Variants in CEP63 observed in about 807,000 individuals in gnomAD.
The protein encoded by CEP63 is centrosomal protein of 63 kDa.
CEP63 carries 84 observed loss-of-function variants against 89.1 expected under a neutral mutation model. The observed-to-expected ratio is 0.94, with a 90% confidence interval of 0.79 to 1.13. CEP63 has a LOEUF of 1.13. CEP63 is among the 50% of genes most tolerant of loss of function. The probability of loss-of-function intolerance (pLI) is 0.00; values close to 1 mark genes in which losing one functional copy is unlikely to be tolerated. For missense variants in CEP63, 838 were observed against 813.3 expected, an observed-to-expected ratio of 1.03 and a Z score of -0.37; for synonymous variants, 267 against 272.5, an observed-to-expected ratio of 0.98 and a Z score of 0.20.
At chr3:134,584,956 G>GGTTTTTTTTTTTT (rs1958446629) in intron 10 of CEP63, among the ~76,000 whole-genome samples, 1 of 36,038 alleles carries the variant, frequency 2.8e-5, no homozygotes, top group African/African-American at 8.5e-5. Flanking sequence ...ATTTTCTAGG[G>GGTTTTTTTTTTTT]TTTTTTTTTT....
Position 134,499,320 on chromosome 3 carries a change from T to G in CEP63, c.44+3956T>G, listed in dbSNP as rs146381532. Reference sequence around the variant, plus strand: ...GTTAGCATATAGTTGTTTGTAATAATCTCTAATGACCCTTTGTATTTCTGT... The same window carrying G: ...GTTAGCATATAGTTGTTTGTAATAAGCTCTAATGACCCTTTGTATTTCTGT... On this transcript the variant is annotated intron_variant, in intron 2 of 14. Coordinates refer to ENST00000675561, the MANE Select transcript of CEP63 (RefSeq NM_001353108.3). Among the ~76,000 whole-genome samples the G allele has an allele frequency of 3.2e-3, 493 of 152,306 alleles. 5 individuals are homozygous for G. Among genetic ancestry groups the G allele is most frequent in the African/African-American group, 0.011 (471 of 41,572 alleles).
downstream of CEP63, among the ~76,000 whole-genome samples, chr3:134,592,659 T>C (rs945535318): frequency 6.6e-6 from 1 of 152,122 alleles, no homozygotes; most frequent in Non-Finnish European, 1.5e-5. Flanking sequence ...AGTTTTTGCT[T>C]TGAGGACAAA....
the CEP63 span, among the ~76,000 whole-genome samples, chr3:134,738,249 T>TACACAC: frequency 0.14 from 20,318 of 145,412 alleles, 1,458 homozygotes; most frequent in Middle Eastern, 0.18. Flanking sequence ...TATTCCATCA[T>TACACAC]ACACACACAC....
At chr3:134,700,892 G>T in the CEP63 span, among the ~76,000 whole-genome samples, 1 of 152,116 alleles carries the variant, frequency 6.6e-6, no homozygotes, top group Non-Finnish European at 1.5e-5. Context: ...TCAGAGGTGT[G>T]TTGCTCTCCC....
intron 10 of CEP63, among the ~76,000 whole-genome samples, chr3:134,580,072 G>A (rs1958308270): frequency 1.3e-5 from 2 of 152,024 alleles, no homozygotes; most frequent in Admixed American, 6.6e-5. Context: ...GTGGGTGCCT[G>A]TAATCCCAGC....
At chr3:134,512,358 T>C (rs1383394936) in intron 3 of CEP63, among the ~76,000 whole-genome samples, 3 of 152,224 alleles carry the variant, frequency 2.0e-5, no homozygotes, top group Non-Finnish European at 4.4e-5. Flanking sequence ...GCTGTTACTA[T>C]CTTCTAGCTC....
chr3:134,540,930 C>T (rs1464270408), intron 6 of CEP63, among the ~76,000 whole-genome samples: 3 of 151,918 alleles, frequency 2.0e-5, no homozygotes, highest in Non-Finnish European at 2.9e-5. Context: ...TACAGGTGCT[C>T]ACCACCACGC....
At chr3:134,704,095 C>T in the CEP63 span, among the ~76,000 whole-genome samples, 9 of 152,226 alleles carry the variant, frequency 5.9e-5, no homozygotes, top group African/African-American at 1.2e-4. Context: ...CTTTCCCAAC[C>T]GCTGCATATT....
In CEP63 at chr3:134,559,360, T is replaced by C; in HGVS notation, c.1884T>C (p.Asp628=). Residue 628 remains aspartate (D), a synonymous_variant, in exon 14 of 15, where the codon GAT becomes GAC. Coordinates refer to ENST00000675561, the MANE Select transcript of CEP63 (RefSeq NM_001353108.3). ...CTCATTCTTTGCCTTCAGCGCTAGA[T>C]ACAAATGAAGCCAATTTTTCTGACA... ...CKTHSLPSAL[D]TNEANFSDTM... is the part of the protein sequence containing the mutation. 3 of 1,614,156 alleles carry C rather than the reference T, an allele frequency of 1.9e-6. No homozygotes were observed. The highest frequency in any genetic ancestry group is 1.1e-5 in the South Asian group (1 of 91,088).
the CEP63 span, among the ~76,000 whole-genome samples, chr3:134,634,617 A>G: frequency 6.6e-6 from 1 of 152,244 alleles, no homozygotes. Flanking sequence ...GAGACATCAC[A>G]TCTATTAGAA....
At chr3:134,622,869 G>T in the CEP63 span, among the ~76,000 whole-genome samples, 1 of 152,118 alleles carries the variant, frequency 6.6e-6, no homozygotes, top group African/African-American at 2.4e-5. Flanking sequence ...CCAGGACCTT[G>T]TTTTTAGCTG....
chr3:134,667,261 A>G, the CEP63 span, among the ~76,000 whole-genome samples: 3 of 152,206 alleles, frequency 2.0e-5, no homozygotes, highest in Non-Finnish European at 2.9e-5. Flanking sequence ...TTAAGTGGCT[A>G]TCTTTCCAGG....
At chr3:134,691,822 C>A in the CEP63 span, among the ~76,000 whole-genome samples, 1 of 151,920 alleles carries the variant, frequency 6.6e-6, no homozygotes, top group African/African-American at 2.4e-5. Flanking sequence ...CGGGTTCAAG[C>A]GATTCTCCTG....
At chr3:134,577,749 G>A (rs779450267), downstream of CEP63, among the ~76,000 whole-genome samples, 2 of 152,002 alleles carry the variant, frequency 1.3e-5, no homozygotes, top group Non-Finnish European at 2.9e-5. Flanking sequence ...TTAGCTGTTT[G>A]TCCTAATGCT....
the CEP63 span, chr3:134,625,062 G>C: frequency 6.3e-7 from 1 of 1,597,526 alleles, no homozygotes; most frequent in South Asian, 1.1e-5. Flanking sequence ...CCTGTGAGGC[G>C]TAGATATCCA....
At chr3:134,627,701 G>A in the CEP63 span, 111 of 1,504,296 alleles carry the variant, frequency 7.4e-5, no homozygotes, top group Non-Finnish European at 1.0e-4. Flanking sequence ...ATTAGTCTAT[G>A]AGGCTAAACC....
intron 2 of CEP63, among the ~76,000 whole-genome samples, chr3:134,499,278 T>C (rs184676905): frequency 6.6e-6 from 1 of 152,304 alleles, no homozygotes; most frequent in Admixed American, 6.5e-5. Flanking sequence ...ATTTATTTCC[T>C]CTAGGTGTTC....
At chr3:134,519,226 C>A (rs751528066) in intron 3 of CEP63, among the ~76,000 whole-genome samples, 1 of 151,976 alleles carries the variant, frequency 6.6e-6, no homozygotes, top group Non-Finnish European at 1.5e-5. Context: ...TGGGTTCAAG[C>A]GATTCTCCTG....
chr3:134,614,982 T>C, the CEP63 span, among the ~76,000 whole-genome samples: 1 of 152,214 alleles, frequency 6.6e-6, no homozygotes, highest in African/African-American at 2.4e-5. Flanking sequence ...TTTCTTTTGG[T>C]ATTTTGTTGA....
Sources: allele counts gnomAD v4.1 joint callset (sites outside exome capture counted in the v4.1 genomes callset), GRCh38; gene constraint gnomAD v4.1.1; transcripts MANE v1.5; gene names NCBI Gene and HGNC (gene_info 2026-07-23, HGNC 2026-07-21).